SYN2: variants seen among roughly 807,000 people sequenced by gnomAD.
The protein encoded by SYN2 is synapsin-2.
A neutral mutation model predicts 50.9 loss-of-function variants in SYN2; 19 were observed. That is an observed-to-expected ratio of 0.37 (90% confidence interval 0.26 to 0.55). SYN2 has a LOEUF of 0.55. Ranked by LOEUF, SYN2 falls within the 20% of genes least tolerant of loss-of-function variation. SYN2 has a pLI of 0.81. For missense variants in SYN2, 587 were observed against 576.4 expected (o/e 1.02, Z -0.19); for synonymous variants, 255 against 224.9 (o/e 1.13, Z -1.20).
intron 1 of SYN2, among the ~76,000 whole-genome samples, chr3:12,077,309 A>T (rs11918037): frequency 0.072 from 10,948 of 151,182 alleles, 501 homozygotes; most frequent in African/African-American, 0.14. Flanking sequence ...CTTTTTTTTT[A>T]AAAAAAAATT....
At chr3:12,073,498 C>A (rs1695407281) in intron 1 of SYN2, among the ~76,000 whole-genome samples, 1 of 152,168 alleles carries the variant, frequency 6.6e-6, no homozygotes, top group Non-Finnish European at 1.5e-5. Flanking sequence ...CTCCAGTATC[C>A]ACAGTTTTGT....
intron 1 of SYN2, among the ~76,000 whole-genome samples, chr3:12,101,470 C>T (rs184245617): frequency 1.1e-4 from 17 of 152,090 alleles, no homozygotes; most frequent in Middle Eastern, 3.4e-3. Flanking sequence ...TAGTGATTGT[C>T]GGAGGCTGGG....
intron 1 of SYN2, among the ~76,000 whole-genome samples, chr3:12,008,303 A>G (rs1389613911): frequency 6.6e-6 from 1 of 152,226 alleles, no homozygotes; most frequent in Non-Finnish European, 1.5e-5. Flanking sequence ...GATATAAGGC[A>G]ACAGATATTT....
intron 5 of SYN2, chr3:12,158,861 G>C: frequency 6.5e-7 from 1 of 1,544,670 alleles, no homozygotes; most frequent in Non-Finnish European, 8.7e-7. Flanking sequence ...ATCCGCGACT[G>C]AGCCTGTGAG....
intron 1 of SYN2, among the ~76,000 whole-genome samples, chr3:12,095,698 C>G (rs1011014869): frequency 3.4e-5 from 5 of 148,148 alleles, no homozygotes; most frequent in African/African-American, 1.3e-4. Flanking sequence ...GGTGGCTGCT[C>G]TTTTTTAGTA....
At chr3:12,153,695 T>C (rs752721351) in intron 5 of SYN2, 1 of 1,614,234 alleles carries the variant, frequency 6.2e-7, no homozygotes, top group Admixed American at 1.7e-5. Context: ...TACAGGGTAC[T>C]GTGTAGCAGG....
intron 1 of SYN2, among the ~76,000 whole-genome samples, chr3:12,099,743 T>TC (rs1408054869): frequency 6.6e-6 from 1 of 151,922 alleles, no homozygotes; most frequent in African/African-American, 2.4e-5. Flanking sequence ...AATGGGCGGA[T>TC]CACGAGGTCA....
intron 1 of SYN2, among the ~76,000 whole-genome samples, chr3:12,095,311 G>A (rs1092592): frequency 5.4e-5 from 8 of 149,314 alleles, no homozygotes; most frequent in South Asian, 2.2e-4. Flanking sequence ...TTGGGAGGCC[G>A]AGGCAGGTGG....
At chr3:12,158,891 C>T in intron 5 of SYN2, 4 of 1,469,900 alleles carry the variant, frequency 2.7e-6, no homozygotes, top group South Asian at 1.3e-5. Flanking sequence ...ACTGGACGGC[C>T]CCAGCAGGGC....
At chr3:12,062,246 A>G (rs1443162447) in intron 1 of SYN2, among the ~76,000 whole-genome samples, 1 of 152,040 alleles carries the variant, frequency 6.6e-6, no homozygotes, top group Non-Finnish European at 1.5e-5. Flanking sequence ...ATGATCTTTG[A>G]CAAAGGAGCA....
rs74565772 is a variant in SYN2, at chr3:12,113,065, C to T, written c.378-27586C>T. Among the ~76,000 whole-genome samples, 66 of 152,268 alleles carry T rather than the reference C, an allele frequency of 4.3e-4. 2 individuals are homozygous for T. In the East Asian group the frequency reaches 0.012, roughly 28 times the overall value. ...TTTCTTGTGCAGAGGGCTTTGTGCACGTTCTAGGCCCCGTGGTGGTCTTAG... is the reference window on the plus strand; with the variant it reads ...TTTCTTGTGCAGAGGGCTTTGTGCATGTTCTAGGCCCCGTGGTGGTCTTAG... On this transcript the variant is annotated intron_variant, in intron 1 of 12. Transcript: ENST00000621198.
intron 11 of SYN2, chr3:12,185,540 GA>G: frequency 1.0e-6 from 1 of 985,848 alleles, no homozygotes; most frequent in Non-Finnish European, 1.2e-6. Flanking sequence ...TGGCCTGGGG[GA>G]CATCTGTGTC....
chr3:12,076,696 A>G (rs1395846389), intron 1 of SYN2, among the ~76,000 whole-genome samples: 1 of 152,108 alleles, frequency 6.6e-6, no homozygotes, highest in Non-Finnish European at 1.5e-5. Flanking sequence ...ATTATTACTC[A>G]CCAAAGCTAA....
At chr3:12,014,270 A>G (rs1228292013) in intron 1 of SYN2, among the ~76,000 whole-genome samples, 1 of 152,206 alleles carries the variant, frequency 6.6e-6, no homozygotes, top group Non-Finnish European at 1.5e-5. Flanking sequence ...TATTGAATTG[A>G]GCAGCAAGAG....
intron 1 of SYN2, among the ~76,000 whole-genome samples, chr3:12,129,760 G>A (rs1202297546): frequency 1.3e-5 from 2 of 152,310 alleles, no homozygotes; most frequent in Middle Eastern, 3.4e-3. Flanking sequence ...TGGGAATCAA[G>A]AAATAGGTCT....
At chr3:12,145,658 C>G (rs1697129578) in intron 3 of SYN2, 21 bp from the exon 4 acceptor site, 5 of 1,611,142 alleles carry the variant, frequency 3.1e-6, no homozygotes, top group Non-Finnish European at 4.2e-6. Flanking sequence ...AATGGCAAAC[C>G]TGCCTCTACC....
chr3:12,049,915 C>T (rs1350565005), intron 1 of SYN2, among the ~76,000 whole-genome samples: 1 of 152,100 alleles, frequency 6.6e-6, no homozygotes, highest in Non-Finnish European at 1.5e-5. Context: ...ACAAAGCAAT[C>T]TCGACAGTTT....
chr3:12,052,013 A>G (rs1237532110), intron 1 of SYN2, among the ~76,000 whole-genome samples: 2 of 152,150 alleles, frequency 1.3e-5, no homozygotes, highest in Non-Finnish European at 2.9e-5. Flanking sequence ...TTTTTTAATG[A>G]TAATAATTAT....
rs1289302036 is a variant in SYN2, at chr3:12,168,365, A to G, written c.1056-11A>G. 5 of 1,611,268 alleles carry G rather than the reference A, an allele frequency of 3.1e-6. No homozygotes were observed. Among genetic ancestry groups the G allele is most frequent in the Middle Eastern group, 1.6e-4 (1 of 6,078 alleles). ...TGCCCCAGCTTCAGGACACCTTCCC[A>G]TCACCTCCAGGTACAAACTGTGGGT... On this transcript the variant is annotated splice_polypyrimidine_tract_variant and intron_variant, in intron 8 of 12. Transcript: ENST00000621198.
Sources: allele counts gnomAD v4.1 joint callset (sites outside exome capture counted in the v4.1 genomes callset), GRCh38; gene constraint gnomAD v4.1.1; transcripts MANE v1.5; gene names NCBI Gene and HGNC (gene_info 2026-07-23, HGNC 2026-07-21).